Variants in ZNF385B observed in about 807,000 individuals in gnomAD.
ZNF385B encodes the protein zinc finger protein 533.
A neutral mutation model predicts 39.2 loss-of-function variants in ZNF385B; 23 were observed. The observed-to-expected ratio is 0.59, with a 90% confidence interval of 0.42 to 0.83. The LOEUF is 0.83. Among genes scored for constraint, ZNF385B ranks in the 40% least tolerant of loss-of-function variants. The pLI is 0.00. For missense variants in ZNF385B, 552 were observed against 598.9 expected, an observed-to-expected ratio of 0.92 and a Z score of 0.82; for synonymous variants, 205 against 222.6, an observed-to-expected ratio of 0.92 and a Z score of 0.70.
chr2:179,794,337 G>A (rs1318830883), intron 1 of ZNF385B, among the ~76,000 whole-genome samples: 3 of 152,120 alleles, frequency 2.0e-5, no homozygotes, highest in African/African-American at 7.2e-5. Flanking sequence ...GTTTAGTCTA[G>A]TAGAGTGTAT....
At chr2:179,758,075 G>A (rs1268197810) in intron 3 of ZNF385B, among the ~76,000 whole-genome samples, 2 of 152,116 alleles carry the variant, frequency 1.3e-5, no homozygotes, top group African/African-American at 4.8e-5. Flanking sequence ...CTATAGAGTG[G>A]AGCTGTTCCT....
intron 3 of ZNF385B, among the ~76,000 whole-genome samples, chr2:179,741,871 C>A (rs1397936214): frequency 6.6e-6 from 1 of 151,906 alleles, no homozygotes; most frequent in Non-Finnish European, 1.5e-5. Context: ...GCAGTCAGAA[C>A]TAAGTCCTAA....
chr2:179,708,781 C>G lies in ZNF385B; in HGVS notation c.298+60722G>C, dbSNP rs555063297. 2.6e-5 allele frequency among the ~76,000 whole-genome samples: 4 copies of G among 152,296 alleles called. No individual in the cohort carries two copies. In the South Asian group the frequency reaches 8.3e-4, roughly 32 times the overall value. Reference sequence around the variant, plus strand: ...GAGTGGCACTGAAACAATACCAATACTCACTGCCAGGCAGGTGAGGGGGCA... The same window carrying G: ...GAGTGGCACTGAAACAATACCAATAGTCACTGCCAGGCAGGTGAGGGGGCA... On this transcript the variant is annotated intron_variant, in intron 3 of 9. Transcript: ENST00000410066.
At chr2:179,771,963 T>C (rs999870576) in intron 1 of ZNF385B, among the ~76,000 whole-genome samples, 1 of 152,144 alleles carries the variant, frequency 6.6e-6, no homozygotes, top group Non-Finnish European at 1.5e-5. Context: ...GCAAGATCCT[T>C]GACTCAGAGG....
At chr2:179,513,440 T>C (rs1183653818) in intron 5 of ZNF385B, among the ~76,000 whole-genome samples, 1 of 152,212 alleles carries the variant, frequency 6.6e-6, no homozygotes, top group African/African-American at 2.4e-5. Context: ...AGGCTGCTGG[T>C]CATATGCTTA....
chr2:179,486,164 T>C (rs573227848), intron 5 of ZNF385B, among the ~76,000 whole-genome samples: 3 of 152,304 alleles, frequency 2.0e-5, no homozygotes, highest in African/African-American at 7.2e-5. Flanking sequence ...ATTGATAATG[T>C]AGTATAATAA....
intron 3 of ZNF385B, among the ~76,000 whole-genome samples, chr2:179,675,309 A>C (rs1408644953): frequency 2.0e-5 from 3 of 152,126 alleles, no homozygotes; most frequent in Non-Finnish European, 2.9e-5. Flanking sequence ...GCTGAGGAGG[A>C]AGAGGAAGAG....
At chr2:179,662,042 C>T (rs3112975) in intron 3 of ZNF385B, among the ~76,000 whole-genome samples, 152,018 of 152,380 alleles carry the variant, frequency 1, 75,828 homozygotes, top group Middle Eastern at 1. Flanking sequence ...AATACTAAGC[C>T]AGCATATAAA....
At chr2:179,686,461 T>C (rs1697932665) in intron 3 of ZNF385B, among the ~76,000 whole-genome samples, 1 of 152,094 alleles carries the variant, frequency 6.6e-6, no homozygotes, top group Admixed American at 6.6e-5. Context: ...ACATTAGAAA[T>C]TGGCTTGGGG....
At chr2:179,820,191 C>A (rs933098220) in intron 1 of ZNF385B, among the ~76,000 whole-genome samples, 15 of 151,978 alleles carry the variant, frequency 9.9e-5, no homozygotes, top group Non-Finnish European at 8.8e-5. Flanking sequence ...ATAATACCTA[C>A]TTAAAAATCT....
intron 3 of ZNF385B, among the ~76,000 whole-genome samples, chr2:179,604,287 A>C (rs1462894132): frequency 6.6e-6 from 1 of 152,156 alleles, no homozygotes; most frequent in Non-Finnish European, 1.5e-5. Context: ...CAAAAATAAA[A>C]AACTTTAAAG....
chr2:179,443,452 T>C lies in ZNF385B; in HGVS notation c.1259A>G (p.Gln420Arg), dbSNP rs2049160384. ...PSILAAKLAF[Q>R]KDMMKPLAPA... ...GGCCAAAGGCTTCATCATATCTTTC[T>C]GGAATGCAAGTTTTGCCTAAGGGAG... The change falls in exon 10 of 10, where the codon CAG becomes CGG. Residue 420 changes from glutamine to arginine, a missense_variant. By Grantham distance (43) the Gln-to-Arg change is conservative (BLOSUM62 1). Transcript: ENST00000410066. The C allele has an allele frequency of 8.1e-6, 13 of 1,602,640 alleles. No individual in the cohort carries two copies. Among genetic ancestry groups the C allele is most frequent in the Non-Finnish European group, 1.0e-5 (12 of 1,174,370 alleles).
At chr2:179,685,493 A>G (rs1237863256) in intron 3 of ZNF385B, among the ~76,000 whole-genome samples, 1 of 152,224 alleles carries the variant, frequency 6.6e-6, no homozygotes, top group Admixed American at 6.5e-5. Flanking sequence ...TCTTGGTATC[A>G]GCATCACTGC....
At chr2:179,504,758 T>G (rs946108045) in intron 5 of ZNF385B, among the ~76,000 whole-genome samples, 1 of 151,504 alleles carries the variant, frequency 6.6e-6, no homozygotes, top group African/African-American at 2.4e-5. Context: ...TGTATACATA[T>G]GTAACAAACC....
At chr2:179,553,169 G>A (rs1422807398) in intron 3 of ZNF385B, among the ~76,000 whole-genome samples, 4 of 149,134 alleles carry the variant, frequency 2.7e-5, no homozygotes, top group Non-Finnish European at 5.9e-5. Context: ...CCATAAACCT[G>A]AGAGATTTAA....
intron 3 of ZNF385B, among the ~76,000 whole-genome samples, 193 bp from the exon 4 acceptor site, chr2:179,545,162 C>T (rs1458382592): frequency 6.6e-6 from 1 of 152,160 alleles, no homozygotes; most frequent in Non-Finnish European, 1.5e-5. Context: ...GACAGTGGTG[C>T]ACAATGCTTC....
intron 4 of ZNF385B, among the ~76,000 whole-genome samples, chr2:179,537,993 C>T (rs1389097037): frequency 1.3e-5 from 2 of 151,980 alleles, no homozygotes; most frequent in Non-Finnish European, 2.9e-5. Context: ...AAAATTTCAT[C>T]TTGGCATATT....
intron 1 of ZNF385B, among the ~76,000 whole-genome samples, chr2:179,857,800 C>A (rs1217383101): frequency 6.6e-6 from 1 of 152,094 alleles, no homozygotes; most frequent in Non-Finnish European, 1.5e-5. Context: ...AAAATTATCA[C>A]CTAGTGCCGT....
At chr2:179,675,304 G>GGAGGAA (rs1232579778) in intron 3 of ZNF385B, among the ~76,000 whole-genome samples, 2 of 152,166 alleles carry the variant, frequency 1.3e-5, no homozygotes, top group Admixed American at 6.5e-5. Flanking sequence ...AGTAGGCTGA[G>GGAGGAA]GAGGAAGAGG....
Sources: allele counts gnomAD v4.1 joint callset (sites outside exome capture counted in the v4.1 genomes callset), GRCh38; gene constraint gnomAD v4.1.1; transcripts MANE v1.5; gene names NCBI Gene and HGNC (gene_info 2026-07-23, HGNC 2026-07-21).